The following FRMD5 variants were observed in gnomAD, a reference collection of about 807,000 sequenced individuals.
FRMD5 encodes the protein FERM domain containing 5.
A neutral mutation model predicts 69.0 loss-of-function variants in FRMD5; 20 were observed. That is an observed-to-expected ratio of 0.29 (90% CI 0.20 to 0.42). FRMD5 has a LOEUF of 0.42. Among genes scored for constraint, FRMD5 ranks in the 10% least tolerant of loss-of-function variants. The probability of loss-of-function intolerance (pLI) is 1.00; values close to 1 mark genes in which losing one functional copy is unlikely to be tolerated. For synonymous variants in FRMD5, 271 were observed against 260.1 expected (o/e 1.04, Z -0.40); for missense variants, 595 against 708.6 (o/e 0.84, Z 1.82).
chr15:43,893,364 A>C (rs932024440), intron 7 of FRMD5, among the ~76,000 whole-genome samples: 10 of 152,118 alleles, frequency 6.6e-5, no homozygotes, highest in Non-Finnish European at 1.5e-5. Context: ...CAGTCAGTAA[A>C]CACCAGGCTT....
intron 1 of FRMD5, among the ~76,000 whole-genome samples, chr15:44,159,927 C>T (rs376934580): frequency 3.3e-5 from 5 of 152,260 alleles, no homozygotes; most frequent in South Asian, 4.1e-4. Context: ...CGCAAGGTCC[C>T]GAGGTTCTCA....
chr15:43,910,468 G>GT (rs1452526519), intron 4 of FRMD5, among the ~76,000 whole-genome samples: 1 of 149,760 alleles, frequency 6.7e-6, no homozygotes, highest in Non-Finnish European at 1.5e-5. Flanking sequence ...ACAGCCTGCA[G>GT]TTACCGAGGT....
chr15:43,931,709 C>G (rs1159370868), intron 1 of FRMD5, among the ~76,000 whole-genome samples: 1 of 152,048 alleles, frequency 6.6e-6, no homozygotes, highest in African/African-American at 2.4e-5. Flanking sequence ...GTCCTCATAA[C>G]TCTTTGATTA....
intron 1 of FRMD5, among the ~76,000 whole-genome samples, chr15:43,973,523 A>T (rs1347933942): frequency 6.7e-6 from 1 of 149,918 alleles, no homozygotes; most frequent in Non-Finnish European, 1.5e-5. Context: ...GCCCACCACC[A>T]CACCCAGCTA....
At chr15:44,144,927 A>G (rs968979011) in intron 1 of FRMD5, among the ~76,000 whole-genome samples, 25 of 152,288 alleles carry the variant, frequency 1.6e-4, no homozygotes, top group African/African-American at 6.0e-4. Flanking sequence ...GCAGGATAGG[A>G]GAAGAAAGGG....
At chr15:43,902,482 G>A (rs1051260789) in intron 6 of FRMD5, among the ~76,000 whole-genome samples, 4 of 152,038 alleles carry the variant, frequency 2.6e-5, no homozygotes, top group African/African-American at 9.7e-5. Context: ...TGAATTACTT[G>A]GGCTGAGTGT....
intron 1 of FRMD5, among the ~76,000 whole-genome samples, chr15:44,060,926 T>C (rs1161935714): frequency 6.6e-6 from 1 of 152,214 alleles, no homozygotes; most frequent in Admixed American, 6.5e-5. Flanking sequence ...AGGAGGAAAC[T>C]GTTTCTTATT....
At chr15:44,195,726 C>T (rs2078283980), upstream of FRMD5, among the ~76,000 whole-genome samples, 1 of 152,044 alleles carries the variant, frequency 6.6e-6, no homozygotes, top group South Asian at 2.1e-4. Flanking sequence ...CCAGATAGGG[C>T]GACTGCCCCC....
chr15:44,106,729 G>A (rs990455519), intron 1 of FRMD5, among the ~76,000 whole-genome samples: 2 of 151,998 alleles, frequency 1.3e-5, no homozygotes, highest in Non-Finnish European at 2.9e-5. Context: ...TGAGAAGTAT[G>A]TCTTCACCTC....
intron 1 of FRMD5, among the ~76,000 whole-genome samples, chr15:44,097,257 C>G (rs1290744812): frequency 6.6e-6 from 1 of 152,064 alleles, no homozygotes; most frequent in African/African-American, 2.4e-5. Context: ...TAAAGTAAAC[C>G]TAAGGGGAGA....
chr15:43,981,973 C>T (rs114783621), intron 1 of FRMD5, among the ~76,000 whole-genome samples: 3 of 152,212 alleles, frequency 2.0e-5, no homozygotes, highest in African/African-American at 4.8e-5. Context: ...TGTGAAGTCA[C>T]GTACAACACC....
At chr15:43,886,369 A>G (rs1367937287) in intron 10 of FRMD5, among the ~76,000 whole-genome samples, 2 of 152,198 alleles carry the variant, frequency 1.3e-5, no homozygotes, top group Non-Finnish European at 2.9e-5. Context: ...AACTTTAATA[A>G]AAGTCCGTCA....
intron 5 of FRMD5, among the ~76,000 whole-genome samples, chr15:43,909,304 A>T (rs1347111539): frequency 6.6e-6 from 1 of 151,672 alleles, no homozygotes; most frequent in African/African-American, 2.4e-5. Flanking sequence ...GGAGGCTGAG[A>T]CAGAAGAATA....
At chr15:44,166,783 CAAA>C (rs1006711939) in intron 1 of FRMD5, among the ~76,000 whole-genome samples, 7 of 53,008 alleles carry the variant, frequency 1.3e-4, no homozygotes, top group African/African-American at 3.9e-4. Context: ...GACCCTATCT[CAAA>C]AAAAAAAAAA....
intron 1 of FRMD5, among the ~76,000 whole-genome samples, chr15:44,104,873 T>C (rs2076693250): frequency 1.3e-5 from 2 of 152,184 alleles, no homozygotes; most frequent in Admixed American, 1.3e-4. Flanking sequence ...TCATTTAACA[T>C]AACGTTTTCG....
chr15:44,140,697 G>A (rs1266412103), intron 1 of FRMD5, among the ~76,000 whole-genome samples: 8 of 151,576 alleles, frequency 5.3e-5, no homozygotes, highest in Non-Finnish European at 1.2e-4. Flanking sequence ...TGGGCAACAT[G>A]GCAAAACCCC....
chr15:43,989,288 A>T, intron 1 of FRMD5: 1 of 785,434 alleles, frequency 1.3e-6, no homozygotes, highest in East Asian at 2.4e-5. Flanking sequence ...GTGCCGCCAG[A>T]TAGCACTGTG....
At chr15:44,095,495 A>G (rs1368005963) in intron 1 of FRMD5, among the ~76,000 whole-genome samples, 1 of 152,076 alleles carries the variant, frequency 6.6e-6, no homozygotes, top group African/African-American at 2.4e-5. Context: ...GTGAGCCAAC[A>G]CGCCTGGCTT....
chr15:44,066,330 A>C (rs1893308715), intron 1 of FRMD5, among the ~76,000 whole-genome samples: 1 of 152,238 alleles, frequency 6.6e-6, no homozygotes. Flanking sequence ...TTCACAATCT[A>C]CTTTCAAAAG....
Sources: allele counts gnomAD v4.1 joint callset (sites outside exome capture counted in the v4.1 genomes callset), GRCh38; gene constraint gnomAD v4.1.1; transcripts MANE v1.5; gene names NCBI Gene and HGNC (gene_info 2026-07-23, HGNC 2026-07-21).